The following TSNARE1 variants were observed in gnomAD, a reference collection of about 807,000 sequenced individuals.
The protein encoded by TSNARE1 is t-SNARE domain-containing protein 1.
Under a neutral mutation model 62.0 loss-of-function variants are expected in TSNARE1, and 49 were observed. That is an observed-to-expected ratio of 0.79 (90% CI 0.63 to 1.00). TSNARE1 has a LOEUF of 1.00. Ranked by LOEUF, TSNARE1 falls within the 50% of genes least tolerant of loss-of-function variation. The pLI, the probability that TSNARE1 is intolerant of heterozygous loss-of-function variation, is 0.00. For missense variants in TSNARE1, 755 were observed against 700.1 expected, an observed-to-expected ratio of 1.08 and a Z score of -0.88; for synonymous variants, 328 against 294.4, an observed-to-expected ratio of 1.11 and a Z score of -1.17.
At chr8:142,233,484 G>A (rs1817227316) in intron 12 of TSNARE1, among the ~76,000 whole-genome samples, 1 of 152,206 alleles carries the variant, frequency 6.6e-6, no homozygotes, top group Non-Finnish European at 1.5e-5. Context: ...GGGATGCCAG[G>A]ATGCCAACCC....
At chr8:142,359,744 G>C (rs1340518531) in intron 1 of TSNARE1, among the ~76,000 whole-genome samples, 1 of 152,176 alleles carries the variant, frequency 6.6e-6, no homozygotes, top group Admixed American at 6.5e-5. Context: ...ACACTTGTGA[G>C]GCAGGACTTA....
At chr8:142,317,199 C>A (rs1174968255) in intron 7 of TSNARE1, among the ~76,000 whole-genome samples, 2 of 149,040 alleles carry the variant, frequency 1.3e-5, no homozygotes, top group South Asian at 4.2e-4. Context: ...GTATGGCCAG[C>A]GGCTCACACT....
chr8:142,317,192 T>C (rs190050199), intron 7 of TSNARE1, among the ~76,000 whole-genome samples: 2,049 of 147,386 alleles, frequency 0.014, 79 homozygotes, highest in African/African-American at 0.049. Context: ...GAAGCGGGTA[T>C]GGCCAGCGGC....
At position 142,376,133 on chromosome 8, in the gene TSNARE1, C is replaced by A. The variant is rs192721299; in HGVS notation, c.-39-21370G>T. Among the ~76,000 whole-genome samples the A allele has an allele frequency of 5.3e-3, 809 of 152,360 alleles. 7 individuals carry two copies. The highest frequency in any genetic ancestry group is 0.018 in the African/African-American group (758 of 41,594). ...TGCAACCTTCAGAGAATCGCTCCAT[C>A]TCTCTGAGTCTATCCACATAATCCA... On this transcript the variant is annotated intron_variant, in intron 1 of 13. Coordinates refer to ENST00000524325, the MANE Select transcript of TSNARE1 (RefSeq NM_145003.5).
At chr8:142,277,538 C>T (rs1029884095) in intron 11 of TSNARE1, 4 of 985,452 alleles carry the variant, frequency 4.1e-6, no homozygotes, top group Admixed American at 6.1e-5. Context: ...AGCTGGGATG[C>T]CCCCACCCTG....
In TSNARE1 at chr8:142,314,998, C is replaced by T; in HGVS notation, c.1074+5G>A. 4 of 1,614,184 alleles carry T rather than the reference C, an allele frequency of 2.5e-6. No individual in the cohort carries two copies. The highest frequency in any genetic ancestry group is 3.4e-6 in the Non-Finnish European group (4 of 1,180,014). On this transcript the variant is annotated splice_donor_5th_base_variant and intron_variant, in intron 8 of 13. Transcript: ENST00000524325. ...AGACCCCCACTGCCCCCACCAGCACCTCACCTTCTGCACCACTCCATAGCA... is the reference window on the plus strand; with the variant it reads ...AGACCCCCACTGCCCCCACCAGCACTTCACCTTCTGCACCACTCCATAGCA...
In TSNARE1 at chr8:142,300,478, A is replaced by T; in HGVS notation, c.1290+8T>A. On this transcript the variant is annotated splice_region_variant and intron_variant, in intron 10 of 13. Coordinates refer to ENST00000524325, the MANE Select transcript of TSNARE1 (RefSeq NM_145003.5). Reference sequence around the variant, plus strand: ...GAGAGTGAGCACGCTTGCCCACGCCAGCCTCACCTCCATCTGCAGGATGGC... The same window carrying T: ...GAGAGTGAGCACGCTTGCCCACGCCTGCCTCACCTCCATCTGCAGGATGGC... The T allele has an allele frequency of 6.3e-7, 1 of 1,598,678 alleles. No homozygotes were observed.
In TSNARE1 at chr8:142,227,128, C is replaced by T. The variant is rs536090101; in HGVS notation, c.*11+2345G>A. Among the ~76,000 whole-genome samples, 163 of 151,080 alleles carry T rather than the reference C, an allele frequency of 1.1e-3. 1 individual carries two copies. The highest frequency in any genetic ancestry group is 3.8e-3 in the African/African-American group (154 of 40,938). On this transcript the variant is annotated intron_variant, in intron 13 of 13. Coordinates refer to ENST00000524325, the MANE Select transcript of TSNARE1 (RefSeq NM_145003.5). ...CCACACAATAGTGACAGCCAGAACC[C>T]CCACTGCACCCACACCCCAGTGACA...
At chr8:142,278,347 G>A in intron 11 of TSNARE1, 1 of 985,458 alleles carries the variant, frequency 1.0e-6, no homozygotes, top group Middle Eastern at 5.2e-4. Context: ...GCCACTGGGG[G>A]CGTTTGAGGC....
chr8:142,392,046 G>A (rs1297944375), intron 1 of TSNARE1, among the ~76,000 whole-genome samples: 4 of 152,232 alleles, frequency 2.6e-5, no homozygotes, highest in East Asian at 1.9e-4. Context: ...TTTTTGAGAC[G>A]GAGTTTTGCT....
chr8:142,371,652 ACT>A (rs1835924930), intron 1 of TSNARE1, among the ~76,000 whole-genome samples: 5 of 152,170 alleles, frequency 3.3e-5, no homozygotes, highest in Non-Finnish European at 7.4e-5. Context: ...CGTTGGAAAC[ACT>A]CTGTTTCTGT....
intron 7 of TSNARE1, among the ~76,000 whole-genome samples, chr8:142,318,179 G>C (rs937672588): frequency 5.9e-5 from 9 of 152,164 alleles, no homozygotes; most frequent in African/African-American, 1.9e-4. Flanking sequence ...TGCAGCAGAG[G>C]GGCAGGGGAT....
chr8:142,279,606 G>A (rs988638007), intron 11 of TSNARE1, among the ~76,000 whole-genome samples: 2 of 152,222 alleles, frequency 1.3e-5, no homozygotes, highest in South Asian at 2.1e-4. Flanking sequence ...AATGCAGGGA[G>A]GACCCTGAGC....
chr8:142,283,398 T>C (rs796163887), intron 11 of TSNARE1, among the ~76,000 whole-genome samples: 205 of 100,104 alleles, frequency 2.0e-3, no homozygotes, highest in African/African-American at 7.7e-3. Context: ...GAGGCGGGGT[T>C]AGTGTCTATC....
chr8:142,256,403 G>GT (rs1818574782), intron 12 of TSNARE1, among the ~76,000 whole-genome samples: 5 of 3,754 alleles, frequency 1.3e-3, no homozygotes, highest in Admixed American at 3.3e-3. Flanking sequence ...ACCACCAGCA[G>GT]CAACCACCAT....
At position 142,344,350 on chromosome 8, in the gene TSNARE1, C is replaced by A; in HGVS notation, c.361G>T (p.Ala121Ser). ...GRMAGPSTTR[A>S]KKRKPNFCPQ... ...CAGAAGTTGGGCTTCCTCTTCTTGG[C>A]CCGGGTAGTGCTGGGCCCCGCCATC... Residue 121 changes from alanine (A) to serine (S), a missense_variant, in exon 4 of 14, where the codon GCC (alanine) becomes TCC (serine). Physicochemically the swap from Ala to Ser is moderately conservative, Grantham distance 99. Coordinates refer to ENST00000524325, the MANE Select transcript of TSNARE1 (RefSeq NM_145003.5). The A allele has an allele frequency of 6.3e-7, 1 of 1,575,342 alleles. No homozygotes were observed. The highest frequency in any genetic ancestry group is 1.2e-5 in the South Asian group (1 of 85,646).
intron 7 of TSNARE1, among the ~76,000 whole-genome samples, chr8:142,318,238 T>C (rs1450105823): frequency 6.6e-6 from 1 of 152,110 alleles, no homozygotes; most frequent in African/African-American, 2.4e-5. Flanking sequence ...GGCCATCAGC[T>C]TCCAGTAAGG....
At chr8:142,391,508 T>A (rs1837529243) in intron 1 of TSNARE1, among the ~76,000 whole-genome samples, 2 of 152,162 alleles carry the variant, frequency 1.3e-5, no homozygotes, top group Non-Finnish European at 2.9e-5. Flanking sequence ...GAGCTGCAGC[T>A]CTTCAGCTCT....
At chr8:142,323,224 C>T (rs1829748224) in intron 6 of TSNARE1, among the ~76,000 whole-genome samples, 1 of 151,986 alleles carries the variant, frequency 6.6e-6, no homozygotes, top group Admixed American at 6.6e-5. Context: ...TTATAGAAAG[C>T]TTTTTTTTAA....
Sources: allele counts gnomAD v4.1 joint callset (sites outside exome capture counted in the v4.1 genomes callset), GRCh38; gene constraint gnomAD v4.1.1; transcripts MANE v1.5; gene names NCBI Gene and HGNC (gene_info 2026-07-23, HGNC 2026-07-21).